Variants in SCFD2 observed in about 807,000 individuals in gnomAD.
The protein encoded by SCFD2 is sec1 family domain-containing protein 2.
Under a neutral mutation model 58.9 loss-of-function variants are expected in SCFD2, and 54 were observed. The observed-to-expected ratio is 0.92, with a 90% confidence interval of 0.74 to 1.15. SCFD2 has a LOEUF of 1.15. Ranked by LOEUF, SCFD2 falls within the 50% of genes most tolerant of loss-of-function variation. The pLI, the probability that SCFD2 is intolerant of heterozygous loss-of-function variation, is 0.00. For synonymous variants in SCFD2, 321 were observed against 335.9 expected, an observed-to-expected ratio of 0.96 and a Z score of 0.49; for missense variants, 805 against 836.6, an observed-to-expected ratio of 0.96 and a Z score of 0.47.
chr4:52,928,648 G>C (rs1350615546), intron 5 of SCFD2, among the ~76,000 whole-genome samples: 1 of 152,150 alleles, frequency 6.6e-6, no homozygotes, highest in Non-Finnish European at 1.5e-5. Context: ...ACTGAATCCT[G>C]CTTGGTGTCT....
chr4:53,207,970 T>A, intron 4 of SCFD2, among the ~76,000 whole-genome samples: 1 of 145,018 alleles, frequency 6.9e-6, no homozygotes, highest in Admixed American at 7.1e-5. Context: ...TTTTTTTTTT[T>A]CCCCCCATAC....
intron 5 of SCFD2, among the ~76,000 whole-genome samples, chr4:53,059,101 A>G (rs1272554969): frequency 8.5e-5 from 13 of 152,080 alleles, no homozygotes; most frequent in Admixed American, 7.9e-4. Flanking sequence ...TAGAATATCA[A>G]ATTTCTTCCC....
intron 4 of SCFD2, among the ~76,000 whole-genome samples, chr4:53,224,222 C>G (rs1316832475): frequency 6.6e-6 from 1 of 151,988 alleles, no homozygotes; most frequent in East Asian, 1.9e-4. Flanking sequence ...AACCCCATGT[C>G]TACTAAAAAT....
At chr4:53,255,840 G>A (rs2149046627) in intron 4 of SCFD2, among the ~76,000 whole-genome samples, 3 of 149,546 alleles carry the variant, frequency 2.0e-5, no homozygotes, top group South Asian at 2.1e-4. Context: ...CCGGGCGGGG[G>A]GCTGACCCCC....
intron 4 of SCFD2, among the ~76,000 whole-genome samples, chr4:53,193,733 T>C (rs76687746): frequency 0.043 from 6,513 of 152,274 alleles, 182 homozygotes; most frequent in Middle Eastern, 0.085. Flanking sequence ...TTTTCTTGCC[T>C]TTTTAAAAAT....
intron 5 of SCFD2, among the ~76,000 whole-genome samples, chr4:53,127,351 CTTCT>C (rs1246403801): frequency 6.6e-6 from 1 of 152,128 alleles, no homozygotes; most frequent in Non-Finnish European, 1.5e-5. Flanking sequence ...ATGCAATCAG[CTTCT>C]TTCTTATTCC....
intron 5 of SCFD2, among the ~76,000 whole-genome samples, chr4:53,048,374 T>C (rs978290116): frequency 2.6e-5 from 4 of 151,972 alleles, no homozygotes; most frequent in African/African-American, 4.8e-5. Context: ...AGTACATACA[T>C]ACATACACAC....
chr4:53,182,350 A>T (rs4346703), intron 4 of SCFD2, among the ~76,000 whole-genome samples: 1 of 151,994 alleles, frequency 6.6e-6, no homozygotes, highest in Non-Finnish European at 1.5e-5. Context: ...ATAATGCCAC[A>T]TATCTACAAC....
intron 5 of SCFD2, among the ~76,000 whole-genome samples, chr4:53,091,119 T>C (rs1416967313): frequency 6.6e-6 from 1 of 152,140 alleles, no homozygotes; most frequent in Non-Finnish European, 1.5e-5. Context: ...ATTATACTAT[T>C]ATAGTCATTC....
chr4:53,048,188 T>C (rs935990334), intron 5 of SCFD2, among the ~76,000 whole-genome samples: 1 of 152,078 alleles, frequency 6.6e-6, no homozygotes, highest in Non-Finnish European at 1.5e-5. Context: ...CTGTCTCTAC[T>C]AAAAATACGA....
intron 5 of SCFD2, among the ~76,000 whole-genome samples, chr4:53,007,305 G>GGAGAGGGAGAGA (rs1553913999): frequency 1.2e-4 from 8 of 66,072 alleles, no homozygotes; most frequent in Non-Finnish European, 1.9e-4. Flanking sequence ...AGAGGGAGAG[G>GGAGAGGGAGAGA]GAGAGAGAGA....
intron 4 of SCFD2, among the ~76,000 whole-genome samples, chr4:53,207,970 T>TG (rs1560385690): frequency 1.4e-5 from 2 of 144,920 alleles, no homozygotes; most frequent in African/African-American, 5.0e-5. Context: ...TTTTTTTTTT[T>TG]CCCCCCATAC....
intron 4 of SCFD2, among the ~76,000 whole-genome samples, chr4:53,165,198 A>G (rs1202591931): frequency 6.6e-6 from 1 of 152,238 alleles, no homozygotes; most frequent in East Asian, 1.9e-4. Context: ...AGGATGGCAC[A>G]AAGGTGAATT....
chr4:53,190,228 T>TG (rs1727851710), intron 4 of SCFD2, among the ~76,000 whole-genome samples: 1 of 6,500 alleles, frequency 1.5e-4, no homozygotes, highest in African/African-American at 1.7e-4. Flanking sequence ...TCTACTTGAC[T>TG]ACTGAGAAAC....
At chr4:53,251,277 G>A (rs2149039502) in intron 4 of SCFD2, among the ~76,000 whole-genome samples, 1 of 152,224 alleles carries the variant, frequency 6.6e-6, no homozygotes, top group East Asian at 1.9e-4. Context: ...GGACCAGATG[G>A]ATTCACAGCC....
At position 53,335,454 on chromosome 4, in the gene SCFD2, G is replaced by A. The variant is rs116231024; in HGVS notation, c.1007+17144C>T. On this transcript the variant is annotated intron_variant, in intron 2 of 8. Transcript: ENST00000401642. ...GTGTGCTTCTGACTGACATCCTTTC[G>A]CTTTTACAAAGGATATTATTGAGAC... is the stretch of plus-strand genomic sequence containing the variant. 4.5e-3 allele frequency among the ~76,000 whole-genome samples: 679 copies of A among 152,160 alleles called. 7 individuals carry two copies. Among genetic ancestry groups the A allele is most frequent in the African/African-American group, 0.016 (647 of 41,514 alleles).
intron 8 of SCFD2, among the ~76,000 whole-genome samples, chr4:52,877,247 A>G (rs1023527792): frequency 1.4e-4 from 21 of 152,284 alleles, no homozygotes; most frequent in African/African-American, 4.8e-4. Flanking sequence ...CAGGTGTTTA[A>G]CAGTAATCAG....
At chr4:53,238,153 A>G (rs1446789726) in intron 4 of SCFD2, among the ~76,000 whole-genome samples, 6 of 110,904 alleles carry the variant, frequency 5.4e-5, no homozygotes, top group South Asian at 3.2e-4. Context: ...CTCACCTCCC[A>G]GACGGGGTGG....
At chr4:53,165,165 G>A (rs1726969518) in intron 4 of SCFD2, among the ~76,000 whole-genome samples, 2 of 152,128 alleles carry the variant, frequency 1.3e-5, no homozygotes, top group South Asian at 2.1e-4. Context: ...TGTTTCCTAG[G>A]AAAACAGGAT....
Sources: allele counts gnomAD v4.1 joint callset (sites outside exome capture counted in the v4.1 genomes callset), GRCh38; gene constraint gnomAD v4.1.1; transcripts MANE v1.5; gene names NCBI Gene and HGNC (gene_info 2026-07-23, HGNC 2026-07-21).